The following TIMMDC1 variants were observed in gnomAD, a reference collection of about 807,000 sequenced individuals.
TIMMDC1 encodes translocase of inner mitochondrial membrane domain containing 1, also known as complex I assembly factor TIMMDC1, mitochondrial.
Under a neutral mutation model 32.6 loss-of-function variants are expected in TIMMDC1, and 25 were observed. That is an observed-to-expected ratio of 0.77 (90% confidence interval 0.56 to 1.07). The LOEUF is 1.07. Among genes scored for constraint, TIMMDC1 ranks in the 50% least tolerant of loss-of-function variants. TIMMDC1 has a pLI of 0.00. For synonymous variants in TIMMDC1, 130 were observed against 127.6 expected (o/e 1.02, Z -0.13); for missense variants, 329 against 349.2 (o/e 0.94, Z 0.46).
chr3:119,517,085 T>C, intron 5 of TIMMDC1, 120 bp from the exon 6 acceptor site: 3 of 572,768 alleles, frequency 5.2e-6, no homozygotes, highest in Non-Finnish European at 9.4e-6. Context: ...TTCTCAAATG[T>C]TCCTGTACCT....
At chr3:119,504,181 C>G (rs1016377492) in intron 4 of TIMMDC1, among the ~76,000 whole-genome samples, 160 bp downstream of exon 4, 3 of 152,210 alleles carry the variant, frequency 2.0e-5, no homozygotes, top group African/African-American at 7.2e-5. Flanking sequence ...GTGCTTCACC[C>G]TTGATATACT....
chr3:119,511,858 A>T (rs1191626925), intron 4 of TIMMDC1, among the ~76,000 whole-genome samples: 2 of 152,244 alleles, frequency 1.3e-5, no homozygotes, highest in African/African-American at 4.8e-5. Flanking sequence ...TAAAAATTAC[A>T]TACCACTTCT....
At chr3:119,515,780 A>G (rs913376344) in intron 5 of TIMMDC1, among the ~76,000 whole-genome samples, 1 of 152,210 alleles carries the variant, frequency 6.6e-6, no homozygotes, top group Admixed American at 6.5e-5. Context: ...TTGACGACCC[A>G]TGCTGTAATC....
chr3:119,513,512 G>T, intron 4 of TIMMDC1, 129 bp from the exon 5 acceptor site: 1 of 683,392 alleles, frequency 1.5e-6, no homozygotes, highest in Non-Finnish European at 2.6e-6. Context: ...GGAAGTATAG[G>T]CTGTAGTAGT....
At chr3:119,523,040 T>G (rs552492346) in intron 6 of TIMMDC1, among the ~76,000 whole-genome samples, 4 of 152,348 alleles carry the variant, frequency 2.6e-5, no homozygotes, top group Admixed American at 2.0e-4. Flanking sequence ...TTAATCCCGA[T>G]AATCACTTAA....
rs529296830 is a variant in TIMMDC1, at chr3:119,503,694, G to A, written c.449+74G>A. The A allele has an allele frequency of 9.4e-6, 12 of 1,273,186 alleles. No individual in the cohort carries two copies. In the East Asian group the frequency reaches 3.0e-4, roughly 32 times the overall value. The allele number at this position is 1,273,186 out of a possible 1,614,324, so 78.9% of individuals were successfully genotyped here. A position where few individuals can be genotyped will look rare whatever the true frequency, so the allele number is the denominator to read the frequency against. On this transcript the variant is annotated intron_variant, in intron 3 of 6. Transcript: ENST00000494664. ...TAGGAGTGTGTCTTTTGAGCAGGTGGGGTTATGAAAACTGAATACCCACAT... is the reference window on the plus strand; with the variant it reads ...TAGGAGTGTGTCTTTTGAGCAGGTGAGGTTATGAAAACTGAATACCCACAT...
chr3:119,500,574 A>G (rs996186545), intron 1 of TIMMDC1, 121 bp from the exon 2 acceptor site: 3 of 854,336 alleles, frequency 3.5e-6, no homozygotes, highest in Non-Finnish European at 5.4e-6. Context: ...TCATCTGAGA[A>G]TTCTACCTAT....
intron 6 of TIMMDC1, among the ~76,000 whole-genome samples, chr3:119,519,838 A>C (rs1204058188): frequency 6.6e-6 from 1 of 152,210 alleles, no homozygotes; most frequent in East Asian, 1.9e-4. Context: ...AGTGTTCTTC[A>C]GGATAAACCA....
intron 2 of TIMMDC1, among the ~76,000 whole-genome samples, chr3:119,501,370 T>G (rs1439618625): frequency 1.3e-5 from 2 of 152,240 alleles, no homozygotes; most frequent in Non-Finnish European, 2.9e-5. Flanking sequence ...AGATTTCCTA[T>G]ATACCTTTCA....
At chr3:119,520,011 A>G (rs561047621) in intron 6 of TIMMDC1, among the ~76,000 whole-genome samples, 121 of 152,298 alleles carry the variant, frequency 7.9e-4, no homozygotes, top group African/African-American at 2.8e-3. Flanking sequence ...GGAACAACCA[A>G]TAGGTCAATG....
chr3:119,503,719 T>G (rs1194753423), intron 3 of TIMMDC1, 99 bp downstream of exon 3: 2 of 963,782 alleles, frequency 2.1e-6, no homozygotes, highest in African/African-American at 1.7e-5. Flanking sequence ...AATACCCACA[T>G]GAAAGTGATT....
At chr3:119,512,468 G>A (rs924214747) in intron 4 of TIMMDC1, among the ~76,000 whole-genome samples, 6 of 151,820 alleles carry the variant, frequency 4.0e-5, no homozygotes, top group East Asian at 1.9e-4. Context: ...TAGTAGAGAC[G>A]GGGTTTCAGC....
At chr3:119,499,162 C>T (rs28522893) in intron 1 of TIMMDC1, among the ~76,000 whole-genome samples, 323 of 133,502 alleles carry the variant, frequency 2.4e-3, no homozygotes, top group African/African-American at 8.3e-3. Context: ...GGTGCTATCT[C>T]GGCTCACTGC....
chr3:119,517,532 T>C (rs1436823538), intron 6 of TIMMDC1, among the ~76,000 whole-genome samples: 1 of 152,234 alleles, frequency 6.6e-6, no homozygotes, highest in Non-Finnish European at 1.5e-5. Flanking sequence ...TTAATGAAGA[T>C]CTTTCTTTGG....
Position 119,517,321 on chromosome 3 carries a change from G to A in TIMMDC1, c.707+6G>A, listed in dbSNP as rs752400694. On this transcript the variant is annotated splice_donor_region_variant and intron_variant, in intron 6 of 6. Transcript: ENST00000494664. Reference sequence around the variant, plus strand: ...GAGCTAAAACTGGAAGAGTGGTAAGGAACATGTTGAGCCCAGGGAATCTTG... The same window carrying A: ...GAGCTAAAACTGGAAGAGTGGTAAGAAACATGTTGAGCCCAGGGAATCTTG... 2.5e-6 allele frequency: 4 copies of A among 1,592,110 alleles called. No homozygotes were observed. Among genetic ancestry groups the A allele is most frequent in the South Asian group, 1.1e-5 (1 of 90,666 alleles).
intron 4 of TIMMDC1, among the ~76,000 whole-genome samples, chr3:119,511,669 C>G (rs1221483447): frequency 6.6e-6 from 1 of 152,024 alleles, no homozygotes; most frequent in Non-Finnish European, 1.5e-5. Context: ...TAAATGTAAA[C>G]AATGCCAAAA....
chr3:119,505,380 TG>T (rs2081911503), intron 4 of TIMMDC1, among the ~76,000 whole-genome samples: 1 of 152,032 alleles, frequency 6.6e-6, no homozygotes, highest in Non-Finnish European at 1.5e-5. Context: ...TTTTTTTTTT[TG>T]AGATGGAGTT....
At chr3:119,509,973 C>T (rs113216113) in intron 4 of TIMMDC1, among the ~76,000 whole-genome samples, 6,820 of 152,128 alleles carry the variant, frequency 0.045, 464 homozygotes, top group African/African-American at 0.15. Flanking sequence ...CATGAACCAC[C>T]GTGCCGGGCC....
chr3:119,518,082 A>G (rs1426530645), intron 6 of TIMMDC1, among the ~76,000 whole-genome samples: 1 of 152,080 alleles, frequency 6.6e-6, no homozygotes, highest in African/African-American at 2.4e-5. Flanking sequence ...TAGGTGGACA[A>G]TGGTTGTTCA....
Sources: allele counts gnomAD v4.1 joint callset (sites outside exome capture counted in the v4.1 genomes callset), GRCh38; gene constraint gnomAD v4.1.1; transcripts MANE v1.5; gene names NCBI Gene and HGNC (gene_info 2026-07-23, HGNC 2026-07-21).